Variants in PDE11A observed in about 807,000 individuals in gnomAD.
PDE11A encodes dual 3',5'-cyclic-AMP and -GMP phosphodiesterase 11A.
In PDE11A, 100 loss-of-function variants were observed where a neutral mutation model predicts 100.5. The ratio of observed to expected loss-of-function variants is 1.00; its 90% confidence interval spans 0.85 to 1.18. The LOEUF (loss-of-function observed/expected upper bound fraction) is 1.18, where lower values mean the gene tolerates loss of function less well. Among genes scored for constraint, PDE11A ranks in the 50% most tolerant of loss-of-function variants. PDE11A has a pLI of 0.00. For missense variants in PDE11A, 1,141 were observed against 1,152.6 expected (o/e 0.99, Z 0.15); for synonymous variants, 381 against 420.8 (o/e 0.91, Z 1.16).
chr2:177,977,409 C>T (rs1285396890), intron 2 of PDE11A, among the ~76,000 whole-genome samples: 8 of 141,806 alleles, frequency 5.6e-5, no homozygotes, highest in Admixed American at 2.1e-4. Flanking sequence ...TCAAGGAGAA[C>T]TACAAACCAC....
chr2:178,098,511 G>A (rs1263023514), intron 2 of PDE11A, among the ~76,000 whole-genome samples: 3 of 152,072 alleles, frequency 2.0e-5, no homozygotes, highest in Non-Finnish European at 2.9e-5. Flanking sequence ...TAAATATTTT[G>A]GCTTTCTCAT....
chr2:177,914,841 T>G (rs2105746653), intron 2 of PDE11A, among the ~76,000 whole-genome samples: 1 of 152,314 alleles, frequency 6.6e-6, no homozygotes, highest in African/African-American at 2.4e-5. Context: ...AAGGCTTTTC[T>G]TCACTGTCTC....
intron 10 of PDE11A, among the ~76,000 whole-genome samples, chr2:177,756,637 T>C (rs1286981446): frequency 1.3e-5 from 2 of 152,190 alleles, no homozygotes; most frequent in East Asian, 3.9e-4. Flanking sequence ...AGGTGAATTA[T>C]AGTATGTGTT....
At chr2:177,749,761 A>AT (rs386653094) in intron 10 of PDE11A, among the ~76,000 whole-genome samples, 1 of 152,314 alleles carries the variant, frequency 6.6e-6, no homozygotes, top group African/African-American at 2.4e-5. Flanking sequence ...AACTTGAATA[A>AT]TTTCTAAGGC....
rs529636529 is a variant in PDE11A, at chr2:178,040,167, C to T, written c.913-25707G>A. ...GCAACCTCCACCTTCTGGATTCAAG[C>T]TATTCTTCTGCCTCAGCCTCCTGAG... On this transcript the variant is annotated intron_variant, in intron 1 of 19. Coordinates refer to ENST00000286063, the MANE Select transcript of PDE11A (RefSeq NM_016953.4). Among the ~76,000 whole-genome samples the T allele has an allele frequency of 2.7e-5, 4 of 149,432 alleles. No homozygotes were observed. In the South Asian group the frequency reaches 8.6e-4, roughly 32 times the overall value.
chr2:177,865,289 A>C (rs535394862), intron 5 of PDE11A, among the ~76,000 whole-genome samples: 28 of 152,072 alleles, frequency 1.8e-4, no homozygotes, highest in African/African-American at 4.8e-4. Context: ...TGCATCCCCC[A>C]AAAAAACAAA....
intron 1 of PDE11A, among the ~76,000 whole-genome samples, chr2:178,016,153 T>TTTA (rs1444100778): frequency 1.3e-5 from 2 of 149,680 alleles, no homozygotes; most frequent in Non-Finnish European, 3.0e-5. Context: ...TTTTTTTTTT[T>TTTA]TTGCATTTTA....
At chr2:177,783,788 A>T (rs2105521750) in intron 9 of PDE11A, among the ~76,000 whole-genome samples, 1 of 152,364 alleles carries the variant, frequency 6.6e-6, no homozygotes, top group African/African-American at 2.4e-5. Flanking sequence ...TTCAAATGGC[A>T]TTGATCTCTT....
At chr2:177,641,376 A>G (rs192575914) in intron 19 of PDE11A, among the ~76,000 whole-genome samples, 330 of 152,192 alleles carry the variant, frequency 2.2e-3, no homozygotes, top group Middle Eastern at 6.8e-3. Flanking sequence ...TAAGTTTTCT[A>G]GAAATCCTGA....
chr2:178,015,497 G>T (rs900052819), intron 1 of PDE11A, among the ~76,000 whole-genome samples: 5 of 152,058 alleles, frequency 3.3e-5, no homozygotes, highest in African/African-American at 1.2e-4. Context: ...AGACTGAAGA[G>T]ACCTGAAATC....
intron 17 of PDE11A, among the ~76,000 whole-genome samples, chr2:177,672,925 G>A (rs918366411): frequency 2.6e-5 from 4 of 152,192 alleles, no homozygotes; most frequent in Non-Finnish European, 5.9e-5. Context: ...AATGAATTAG[G>A]TAGTTTGCAG....
At chr2:177,680,394 C>T (rs2080845233) in intron 16 of PDE11A, among the ~76,000 whole-genome samples, 1 of 152,148 alleles carries the variant, frequency 6.6e-6, no homozygotes, top group Non-Finnish European at 1.5e-5. Flanking sequence ...GACTCCTTAT[C>T]TCCACCTCCA....
intron 1 of PDE11A, 84 bp from the exon 2 acceptor site, chr2:178,014,544 AC>A (rs752562711): frequency 1.2e-5 from 12 of 1,033,770 alleles, no homozygotes; most frequent in Non-Finnish European, 1.8e-5. Context: ...TGCATATGAT[AC>A]CTTATCACTG....
intron 1 of PDE11A, chr2:178,018,403 T>C: frequency 7.6e-6 from 1 of 130,840 alleles, no homozygotes; most frequent in Admixed American, 1.1e-4. Flanking sequence ...TGCCGGGCTT[T>C]GTGATTTCAA....
intron 12 of PDE11A, among the ~76,000 whole-genome samples, chr2:177,719,030 T>A (rs1238169041): frequency 6.6e-6 from 1 of 152,200 alleles, no homozygotes; most frequent in Non-Finnish European, 1.5e-5. Flanking sequence ...AGCACTGTTT[T>A]CTAAAGAGAA....
At chr2:178,043,888 G>T (rs985095036) in intron 1 of PDE11A, among the ~76,000 whole-genome samples, 1 of 152,142 alleles carries the variant, frequency 6.6e-6, no homozygotes, top group Non-Finnish European at 1.5e-5. Flanking sequence ...TCTAAAGCTT[G>T]GGCTCTTTTC....
intron 15 of PDE11A, chr2:177,686,576 A>T (rs1484400047): frequency 6.6e-6 from 1 of 152,326 alleles, no homozygotes. Flanking sequence ...CAAAAAAGAA[A>T]AAAAAGGAAA....
At chr2:177,864,998 G>A (rs781714912) in intron 5 of PDE11A, among the ~76,000 whole-genome samples, 46 of 152,012 alleles carry the variant, frequency 3.0e-4, no homozygotes, top group Non-Finnish European at 6.3e-4. Context: ...CAAACAAATC[G>A]GCCAGGCACA....
intron 9 of PDE11A, among the ~76,000 whole-genome samples, chr2:177,775,756 C>T (rs1010688101): frequency 5.3e-5 from 8 of 152,228 alleles, no homozygotes; most frequent in Non-Finnish European, 4.4e-5. Context: ...AATGTCACCC[C>T]TTCAGTGACT....
Sources: gnomAD v4.1 joint callset for allele counts (sites outside exome capture counted in the v4.1 genomes callset) on GRCh38, gnomAD v4.1.1 for gene constraint, MANE v1.5 for transcripts, NCBI Gene and HGNC (gene_info 2026-07-23, HGNC 2026-07-21) for gene names.